ZXDC: variants seen among roughly 807,000 people sequenced by gnomAD.
ZXDC encodes ZXD family zinc finger C.
A neutral mutation model predicts 63.6 loss-of-function variants in ZXDC; 58 were observed. The ratio of observed to expected loss-of-function variants is 0.91; its 90% CI spans 0.74 to 1.13. The LOEUF is 1.13. Among genes scored for constraint, ZXDC ranks in the 50% most tolerant of loss-of-function variants. ZXDC has a pLI of 0.00. For missense variants in ZXDC, 1,133 were observed against 1,148.9 expected (o/e 0.99, Z 0.20); for synonymous variants, 561 against 496.1 (o/e 1.13, Z -1.74).
At chr3:126,474,888 TG>T in intron 1 of ZXDC, 70 bp downstream of exon 1, 1 of 1,479,240 alleles carries the variant, frequency 6.8e-7, no homozygotes. Flanking sequence ...GGCCCCTCTG[TG>T]GGGCGGACGT....
chr3:126,439,768 G>A lies in ZXDC; in HGVS notation c.2395-41C>T, dbSNP rs376322879. On this transcript the variant is annotated intron_variant, in intron 8 of 9. Transcript: ENST00000389709. ...AGAAAGGCCTGTCACATGTCTGTGA[G>A]AGTGCAGCAAAGGTCCTCGTCTCAC... The A allele has an allele frequency of 6.2e-4, 954 of 1,539,218 alleles. 1 individual carries two copies. The highest frequency in any genetic ancestry group is 7.0e-4 in the Non-Finnish European group (798 of 1,142,496).
In ZXDC at chr3:126,455,108, T is replaced by C. The variant is rs139891036; in HGVS notation, c.2212+4545A>G. 6.0e-3 allele frequency: 5,959 copies of C among 985,070 alleles called. 31 individuals are homozygous for C. The highest frequency in any genetic ancestry group is 6.8e-3 in the Non-Finnish European group (5,630 of 829,568). 61.0% of individuals were successfully genotyped at this position (985,070 alleles called of 1,614,324 possible). A position where few individuals can be genotyped will look rare whatever the true frequency, so the allele number is the denominator to read the frequency against. ...TGTTCTTGGACTTATTACAGGTCCA[T>C]AGTCTCTCAATCACAAATGTTGAAA... On this transcript the variant is annotated intron_variant, in intron 7 of 9. Coordinates refer to ENST00000389709, the MANE Select transcript of ZXDC (RefSeq NM_025112.5).
intron 7 of ZXDC, chr3:126,452,007 T>C (rs1345515048): frequency 8.1e-6 from 8 of 985,300 alleles, no homozygotes; most frequent in Non-Finnish European, 9.6e-6. Flanking sequence ...CTCATCTTCA[T>C]TCTTTATTCT....
intron 7 of ZXDC, among the ~76,000 whole-genome samples, chr3:126,448,749 C>T (rs1176418246): frequency 1.3e-5 from 2 of 152,236 alleles, no homozygotes; most frequent in African/African-American, 4.8e-5. Flanking sequence ...GGGGCCACAG[C>T]CATGAGGGTA....
chr3:126,450,638 C>T (rs1934065606), intron 7 of ZXDC: 3 of 421,762 alleles, frequency 7.1e-6, no homozygotes, highest in South Asian at 5.0e-5. Context: ...ATCTCCCTTC[C>T]TGCTGCTCTC....
intron 7 of ZXDC, chr3:126,457,767 A>C: frequency 3.5e-6 from 2 of 573,886 alleles, no homozygotes; most frequent in Non-Finnish European, 4.4e-6. Flanking sequence ...CTAAGAAATG[A>C]GTGGATCCAG....
chr3:126,439,063 C>T (rs1451967858), intron 9 of ZXDC, among the ~76,000 whole-genome samples: 1 of 152,174 alleles, frequency 6.6e-6, no homozygotes, highest in Non-Finnish European at 1.5e-5. Context: ...CCTGGGTGCC[C>T]GGCCCTCTGC....
intron 7 of ZXDC, chr3:126,453,079 T>C (rs934410685): frequency 1.6e-5 from 16 of 985,304 alleles, no homozygotes; most frequent in Admixed American, 6.1e-5. Flanking sequence ...CCACAGAGCT[T>C]TGGAGCAGCA....
chr3:126,454,602 T>G (rs1934237949), intron 7 of ZXDC: 1 of 985,284 alleles, frequency 1.0e-6, no homozygotes, highest in Non-Finnish European at 1.2e-6. Context: ...CTTCGTCTCT[T>G]GAAAGGAGAG....
At chr3:126,467,306 T>C (rs1576687468) in intron 4 of ZXDC, among the ~76,000 whole-genome samples, 2 of 94,542 alleles carry the variant, frequency 2.1e-5, no homozygotes, top group East Asian at 3.7e-4. Flanking sequence ...TTACCAGCAG[T>C]GTGGCCTTAG....
chr3:126,454,232 A>G (rs1218597625), intron 7 of ZXDC: 1 of 984,696 alleles, frequency 1.0e-6, no homozygotes, highest in Non-Finnish European at 1.2e-6. Context: ...ATCAGCAAAT[A>G]ATGAACTAAT....
chr3:126,440,290 CA>C, intron 8 of ZXDC: 1 of 988,892 alleles, frequency 1.0e-6, no homozygotes, highest in Non-Finnish European at 1.2e-6. Flanking sequence ...TGGCCATTCA[CA>C]CCCCGAAGCG....
intron 7 of ZXDC, among the ~76,000 whole-genome samples, chr3:126,458,083 G>A (rs887163840): frequency 6.6e-6 from 1 of 152,128 alleles, no homozygotes; most frequent in Non-Finnish European, 1.5e-5. Context: ...AACCCCACTG[G>A]ATTCTGATTC....
chr3:126,470,456 A>C (rs1934941632), intron 4 of ZXDC, among the ~76,000 whole-genome samples: 1 of 152,212 alleles, frequency 6.6e-6, no homozygotes, highest in Non-Finnish European at 1.5e-5. Context: ...ACAGAGCAAG[A>C]CTGTCTCAAA....
chr3:126,455,194 C>T (rs930280335), intron 7 of ZXDC: 77 of 505,112 alleles, frequency 1.5e-4, no homozygotes, highest in Non-Finnish European at 1.8e-4. Flanking sequence ...AATTTAGCAA[C>T]ATAACTGACC....
chr3:126,450,240 A>G, intron 7 of ZXDC: 1 of 428,834 alleles, frequency 2.3e-6, no homozygotes, highest in South Asian at 1.7e-5. Flanking sequence ...CAGGGCTCCA[A>G]CCTTGGATGC....
intron 7 of ZXDC, chr3:126,457,728 AT>A: frequency 1.1e-6 from 1 of 871,304 alleles, no homozygotes. Flanking sequence ...GGAATGACAG[AT>A]TTAGAGTACC....
At chr3:126,463,621 T>C (rs1265521787) in intron 5 of ZXDC, among the ~76,000 whole-genome samples, 1 of 152,160 alleles carries the variant, frequency 6.6e-6, no homozygotes, top group Non-Finnish European at 1.5e-5. Context: ...CATAATTAAT[T>C]TGGGCAAAAG....
chr3:126,439,688 C>A lies in ZXDC; in HGVS notation c.2434G>T (p.Gly812Cys), dbSNP rs771850008. The change falls in exon 9 of 10, where the codon GGC (glycine) becomes TGC (cysteine). Residue 812 changes from glycine (G) to cysteine (C), a missense_variant. Gly to Cys is a radical substitution (Grantham distance 159). Coordinates refer to ENST00000389709, the MANE Select transcript of ZXDC (RefSeq NM_025112.5). ...AGGAAGGGGAGGAAGGTGGCTGGGC[C>A]GCGGGCCGAGGGCAGGACACCTTCG... ...SGEGVLPSAR[G>C]PATFLPFLTV... is the part of the protein sequence containing the mutation. 2 of 1,552,808 alleles carry A rather than the reference C, an allele frequency of 1.3e-6. No homozygotes were observed. Among genetic ancestry groups the A allele is most frequent in the South Asian group, 1.2e-5 (1 of 84,164 alleles).
Sources: gnomAD v4.1 joint callset for allele counts (sites outside exome capture counted in the v4.1 genomes callset) on GRCh38, gnomAD v4.1.1 for gene constraint, MANE v1.5 for transcripts, NCBI Gene and HGNC (gene_info 2026-07-23, HGNC 2026-07-21) for gene names.